Variants in NRXN3 observed in about 807,000 individuals in gnomAD.
The protein encoded by NRXN3 is neurexin 3, also known as neurexin III.
Under a neutral mutation model 137.6 loss-of-function variants are expected in NRXN3, and 32 were observed. The ratio of observed to expected loss-of-function variants is 0.23; its 90% CI spans 0.18 to 0.31. The LOEUF (loss-of-function observed/expected upper bound fraction) is 0.31. NRXN3 is among the 10% of genes least tolerant of loss of function. The pLI, the probability that NRXN3 is intolerant of heterozygous loss-of-function variation, is 1.00. For synonymous variants in NRXN3, 798 were observed against 784.5 expected (o/e 1.02, Z -0.29); for missense variants, 1,574 against 2,062.5 (o/e 0.76, Z 4.59).
intron 4 of NRXN3, among the ~76,000 whole-genome samples, chr14:78,346,152 A>T (rs1457533549): frequency 1.3e-5 from 2 of 152,146 alleles, no homozygotes; most frequent in Non-Finnish European, 2.9e-5. Context: ...GCATCTTCTG[A>T]TGCATGATTC....
intron 16 of NRXN3, among the ~76,000 whole-genome samples, chr14:79,599,807 C>A (rs1436433408): frequency 6.6e-6 from 1 of 152,106 alleles, no homozygotes; most frequent in Non-Finnish European, 1.5e-5. Flanking sequence ...CCGGCCTGGC[C>A]AACATGGCGA....
At chr14:78,723,439 C>T (rs924814730) in intron 8 of NRXN3, among the ~76,000 whole-genome samples, 1 of 152,198 alleles carries the variant, frequency 6.6e-6, no homozygotes, top group Admixed American at 6.5e-5. Flanking sequence ...GCCATGGAAG[C>T]CTTTTGCTTC....
At chr14:78,547,454 TC>T (rs2096647401) in intron 4 of NRXN3, among the ~76,000 whole-genome samples, 1 of 152,138 alleles carries the variant, frequency 6.6e-6, no homozygotes, top group East Asian at 1.9e-4. Flanking sequence ...CTCCTCGGCC[TC>T]CCAATTTCCA....
chr14:79,453,841 A>G (rs940996388), intron 15 of NRXN3, among the ~76,000 whole-genome samples: 9 of 152,034 alleles, frequency 5.9e-5, no homozygotes, highest in Non-Finnish European at 1.3e-4. Context: ...TTTATTCTTC[A>G]TGTCTTTCAT....
intron 16 of NRXN3, among the ~76,000 whole-genome samples, chr14:79,635,775 C>T (rs1164497207): frequency 4.6e-5 from 7 of 152,098 alleles, no homozygotes; most frequent in East Asian, 1.9e-4. Context: ...TTCATTGACT[C>T]GCAATTCCAC....
intron 4 of NRXN3, among the ~76,000 whole-genome samples, chr14:78,568,071 A>C (rs2096853079): frequency 6.6e-6 from 1 of 152,118 alleles, no homozygotes; most frequent in African/African-American, 2.4e-5. Context: ...TATCGGGTAG[A>C]GGGGATTTTG....
Position 78,494,426 on chromosome 14 carries a change from G to GTTTTTTTTT in NRXN3, c.758-150691_758-150683dup, listed in dbSNP as rs1047418197. On this transcript the variant is annotated intron_variant, in intron 4 of 20. Transcript: ENST00000335750. ...GAAAGAATCCTACCAGAGGTGTTTT[G>GTTTTTTTTT]TTTTTTTTTTTGTCTGATTTCCTTT... 2.9e-3 allele frequency among the ~76,000 whole-genome samples: 388 copies of GTTTTTTTTT among 134,984 alleles called. 4 individuals are homozygous for GTTTTTTTTT. The highest frequency in any genetic ancestry group is 0.01 in the African/African-American group (367 of 35,090). 88.6% of individuals were successfully genotyped at this position (134,984 alleles called of 152,430 possible).
At chr14:78,547,691 T>G (rs545440530) in intron 4 of NRXN3, among the ~76,000 whole-genome samples, 12 of 152,010 alleles carry the variant, frequency 7.9e-5, no homozygotes, top group Admixed American at 2.0e-4. Flanking sequence ...TTTAAATTTT[T>G]GGGGGAGATG....
At chr14:79,564,160 C>CA (rs1404776250) in intron 16 of NRXN3, among the ~76,000 whole-genome samples, 3 of 145,824 alleles carry the variant, frequency 2.1e-5, no homozygotes, top group Admixed American at 6.8e-5. Flanking sequence ...CCCAGAATCT[C>CA]AAAAAGATTA....
chr14:79,762,515 G>A (rs1485301239), intron 19 of NRXN3, among the ~76,000 whole-genome samples: 2 of 150,014 alleles, frequency 1.3e-5, no homozygotes, highest in Non-Finnish European at 3.0e-5. Context: ...AGGTAAAATT[G>A]CCAATGAGTT....
intron 14 of NRXN3, among the ~76,000 whole-genome samples, chr14:78,984,769 G>A (rs1427299748): frequency 6.6e-6 from 1 of 152,128 alleles, no homozygotes; most frequent in Non-Finnish European, 1.5e-5. Flanking sequence ...TGGTTTAGGA[G>A]CAACACTCTG....
At chr14:78,529,786 G>C (rs2096434009) in intron 4 of NRXN3, among the ~76,000 whole-genome samples, 1 of 152,130 alleles carries the variant, frequency 6.6e-6, no homozygotes, top group South Asian at 2.1e-4. Flanking sequence ...TGACTCCCAT[G>C]CTGGGCCATC....
intron 2 of NRXN3, among the ~76,000 whole-genome samples, chr14:78,258,398 A>G (rs1283556925): frequency 7.0e-6 from 1 of 142,738 alleles, no homozygotes; most frequent in Non-Finnish European, 1.5e-5. Context: ...CCTTGTCGGG[A>G]GATGTACAGG....
At chr14:78,244,246 A>T (rs972614360) in intron 2 of NRXN3, among the ~76,000 whole-genome samples, 2 of 152,166 alleles carry the variant, frequency 1.3e-5, no homozygotes, top group Non-Finnish European at 2.9e-5. Context: ...CCTGGCCAAC[A>T]TGATGAAACC....
intron 15 of NRXN3, among the ~76,000 whole-genome samples, chr14:78,993,049 T>G (rs1276648369): frequency 1.3e-5 from 2 of 152,168 alleles, no homozygotes; most frequent in African/African-American, 2.4e-5. Context: ...TGGTAATAGA[T>G]GTTCTTTGCT....
At chr14:78,840,099 T>C (rs1319161005) in intron 10 of NRXN3, among the ~76,000 whole-genome samples, 1 of 152,208 alleles carries the variant, frequency 6.6e-6, no homozygotes, top group Non-Finnish European at 1.5e-5. Flanking sequence ...GTGACAGTTG[T>C]TTCTAAAATA....
chr14:79,093,880 A>T (rs914451730), intron 15 of NRXN3, among the ~76,000 whole-genome samples: 1 of 147,890 alleles, frequency 6.8e-6, no homozygotes, highest in South Asian at 2.3e-4. Context: ...GACGAGTCAT[A>T]TATCATTCTG....
chr14:79,264,522 A>ATGTGTGTG (rs34099529), intron 15 of NRXN3, among the ~76,000 whole-genome samples: 76 of 145,298 alleles, frequency 5.2e-4, no homozygotes, highest in African/African-American at 1.3e-3. Context: ...TGTTTACATG[A>ATGTGTGTG]TGTGTGTGTG....
At chr14:79,013,592 G>A (rs1007594290) in intron 15 of NRXN3, among the ~76,000 whole-genome samples, 1 of 152,016 alleles carries the variant, frequency 6.6e-6, no homozygotes, top group Non-Finnish European at 1.5e-5. Flanking sequence ...ATTATGAAAT[G>A]CTAAGTCAGG....
Sources: allele counts gnomAD v4.1 joint callset (sites outside exome capture counted in the v4.1 genomes callset), GRCh38; gene constraint gnomAD v4.1.1; transcripts MANE v1.5; gene names NCBI Gene and HGNC (gene_info 2026-07-23, HGNC 2026-07-21).